EAF2: variants seen among roughly 807,000 people sequenced by gnomAD.
EAF2 encodes the protein ELL-associated factor 2.
Under a neutral mutation model 29.4 loss-of-function variants are expected in EAF2, and 29 were observed. That is an observed-to-expected ratio of 0.99 (90% confidence interval 0.73 to 1.35). EAF2 has a LOEUF of 1.35. EAF2 is among the 40% of genes most tolerant of loss of function. EAF2 has a pLI of 0.00. For synonymous variants in EAF2, 103 were observed against 102.5 expected, an observed-to-expected ratio of 1.00 and a Z score of -0.03; for missense variants, 292 against 312.0, an observed-to-expected ratio of 0.94 and a Z score of 0.48.
chr3:121,882,339 ACT>A (rs1709202565), intron 5 of EAF2, among the ~76,000 whole-genome samples: 1 of 78,888 alleles, frequency 1.3e-5, no homozygotes, highest in African/African-American at 3.9e-5. Context: ...ACAGAGTGAG[ACT>A]CTGTCTCAAA....
chr3:121,847,978 T>C (rs1489055860), intron 2 of EAF2, among the ~76,000 whole-genome samples: 3 of 152,106 alleles, frequency 2.0e-5, no homozygotes, highest in Non-Finnish European at 2.9e-5. Context: ...ATCTAGACAA[T>C]GGTTTTAGAT....
intron 4 of EAF2, 45 bp downstream of exon 4, chr3:121,857,201 A>C (rs1159111932): frequency 6.5e-7 from 1 of 1,530,468 alleles, no homozygotes; most frequent in Non-Finnish European, 8.8e-7. Flanking sequence ...GAGATAATTA[A>C]GAAATGTTAA....
intron 4 of EAF2, among the ~76,000 whole-genome samples, chr3:121,867,890 A>T (rs185541322): frequency 6.6e-6 from 1 of 152,358 alleles, no homozygotes; most frequent in African/African-American, 2.4e-5. Flanking sequence ...TCAGGTATGT[A>T]TATTGAAAAA....
At chr3:121,854,614 C>T in intron 2 of EAF2, 73 bp from the exon 3 acceptor site, 1 of 1,273,084 alleles carries the variant, frequency 7.9e-7, no homozygotes. Flanking sequence ...AACCCAGAAT[C>T]AAGATTTCAA....
At chr3:121,873,074 G>A (rs1559828911) in intron 5 of EAF2, 1 of 688,322 alleles carries the variant, frequency 1.5e-6, no homozygotes, top group Admixed American at 2.2e-5. Flanking sequence ...TTACTTTTGG[G>A]TTCTTTTTTT....
intron 5 of EAF2, 53 bp from the exon 6 acceptor site, chr3:121,886,289 A>G: frequency 8.2e-7 from 1 of 1,222,274 alleles, no homozygotes. Context: ...GTTATGCAAA[A>G]ATAATATTAA....
At chr3:121,872,428 G>A in intron 4 of EAF2, 109 bp from the exon 5 acceptor site, 2 of 853,268 alleles carry the variant, frequency 2.3e-6, no homozygotes, top group Non-Finnish European at 3.5e-6. Flanking sequence ...GTAAATGTAT[G>A]TTTGATTTTA....
chr3:121,835,851 C>G (rs1708265333), intron 1 of EAF2, among the ~76,000 whole-genome samples: 1 of 152,090 alleles, frequency 6.6e-6, no homozygotes, highest in Admixed American at 6.5e-5. Flanking sequence ...TTGGTGTGTT[C>G]TTTGCAAAGG....
chr3:121,857,132 TC>T lies in EAF2; in HGVS notation c.461del (p.Ser154PhefsTer3). On this transcript the variant is annotated frameshift_variant, in exon 4 of 6. Transcript: ENST00000273668. LOFTEE classifies it high-confidence loss of function. The part of the protein sequence containing the change: ...SPSEDKMSPA[S>X]PIDDIERELK... ...ATCTGAAGATAAGATGTCCCCAGCA[TC>T]TCCAATAGATGATATCGAAAGAGGT... 6.2e-7 allele frequency: 1 copy of T among 1,612,592 alleles called. No individual in the cohort carries two copies. Among genetic ancestry groups the T allele is most frequent in the Non-Finnish European group, 8.5e-7 (1 of 1,179,456 alleles).
At chr3:121,849,270 G>A (rs1219283800) in intron 2 of EAF2, among the ~76,000 whole-genome samples, 1 of 152,026 alleles carries the variant, frequency 6.6e-6, no homozygotes, top group Admixed American at 6.5e-5. Flanking sequence ...TTCTTTGATA[G>A]GGTAGATTTT....
At chr3:121,871,746 T>C (rs1709018330) in intron 4 of EAF2, among the ~76,000 whole-genome samples, 1 of 151,960 alleles carries the variant, frequency 6.6e-6, no homozygotes, top group Admixed American at 6.6e-5. Context: ...CATTTTTTGG[T>C]TTAAAAAATT....
At chr3:121,870,637 T>C (rs150534869) in intron 4 of EAF2, among the ~76,000 whole-genome samples, 4 of 152,158 alleles carry the variant, frequency 2.6e-5, no homozygotes, top group East Asian at 1.9e-4. Flanking sequence ...GGAAAAAATA[T>C]TCACAAATGC....
chr3:121,875,156 AT>A (rs1709074544), intron 5 of EAF2, among the ~76,000 whole-genome samples: 1 of 151,936 alleles, frequency 6.6e-6, no homozygotes, highest in Non-Finnish European at 1.5e-5. Context: ...CATATTTTCT[AT>A]TTGAAGCTAG....
At chr3:121,877,098 A>G (rs1184822941) in intron 5 of EAF2, among the ~76,000 whole-genome samples, 1 of 151,988 alleles carries the variant, frequency 6.6e-6, no homozygotes, top group Admixed American at 6.6e-5. Flanking sequence ...GGCAAAATGT[A>G]CTCCTAGAGA....
intron 4 of EAF2, among the ~76,000 whole-genome samples, chr3:121,872,199 T>G (rs1709027336): frequency 6.6e-6 from 1 of 151,886 alleles, no homozygotes; most frequent in South Asian, 2.1e-4. Flanking sequence ...CAAAAAATAA[T>G]CAGAAGACAG....
At chr3:121,850,461 GA>G (rs1708611475) in intron 2 of EAF2, among the ~76,000 whole-genome samples, 1 of 150,838 alleles carries the variant, frequency 6.6e-6, no homozygotes, top group African/African-American at 2.4e-5. Flanking sequence ...TTTCTTATAT[GA>G]AAACTGAGTT....
chr3:121,866,843 C>A (rs534853500), intron 4 of EAF2, among the ~76,000 whole-genome samples: 19 of 152,158 alleles, frequency 1.2e-4, no homozygotes, highest in African/African-American at 3.9e-4. Context: ...GACACCAACA[C>A]GAGGATGAAT....
In EAF2 at chr3:121,835,386, T is replaced by G; in HGVS notation, c.101T>G (p.Val34Gly). 1 of 1,613,796 alleles carries G rather than the reference T, an allele frequency of 6.2e-7. No homozygotes were observed. Residue 34 changes from valine to glycine, a missense_variant, in exon 1 of 6, where the codon GTG (valine) becomes GGG (glycine). Val to Gly is a moderately radical substitution (Grantham distance 109, BLOSUM62 -3). Coordinates refer to ENST00000273668, the MANE Select transcript of EAF2 (RefSeq NM_018456.6). ...EKQPRCAFHT[V>G]RYDFKPASID... ...CAGCCGCGCTGCGCCTTCCACACTG[T>G]GCGCTGTGAGTGAGGACCATCCGGG...
At chr3:121,851,632 A>G (rs1171274573) in intron 2 of EAF2, among the ~76,000 whole-genome samples, 1 of 152,244 alleles carries the variant, frequency 6.6e-6, no homozygotes, top group African/African-American at 2.4e-5. Context: ...TGGAGGGTCC[A>G]TGTGCAGGTT....
Sources: gnomAD v4.1 joint callset for allele counts (sites outside exome capture counted in the v4.1 genomes callset) on GRCh38, gnomAD v4.1.1 for gene constraint, MANE v1.5 for transcripts, NCBI Gene and HGNC (gene_info 2026-07-23, HGNC 2026-07-21) for gene names.